The following PRH1 variants were observed in gnomAD, a reference collection of about 807,000 sequenced individuals.
The protein encoded by PRH1 is proline rich protein HaeIII subfamily 1.
A neutral mutation model predicts 7.9 loss-of-function variants in PRH1; 7 were observed. The ratio of observed to expected loss-of-function variants is 0.89; its 90% confidence interval spans 0.50 to 1.67. PRH1 has a LOEUF of 1.67. Ranked by LOEUF, PRH1 falls within the 40% of genes most tolerant of loss-of-function variation. The pLI is 0.00. For synonymous variants in PRH1, 45 were observed against 80.8 expected (o/e 0.56, Z 2.38); for missense variants, 109 against 223.6 (o/e 0.49, Z 3.27).
chr12:10,953,037 T>A (rs1223422001), intron 2 of PRH1, among the ~76,000 whole-genome samples: 2 of 151,062 alleles, frequency 1.3e-5, no homozygotes, highest in African/African-American at 4.9e-5. Flanking sequence ...AGAAATCTTT[T>A]CCCCCCTAAA....
intron 1 of PRH1, among the ~76,000 whole-genome samples, chr12:11,032,391 A>G (rs1240488221): frequency 6.6e-6 from 1 of 152,236 alleles, no homozygotes; most frequent in Non-Finnish European, 1.5e-5. Context: ...TATCAAAGGC[A>G]TCTCAGATTT....
intron 2 of PRH1, chr12:10,909,052 T>C (rs767096080): frequency 1.2e-6 from 2 of 1,613,570 alleles, no homozygotes; most frequent in Non-Finnish European, 1.7e-6. Context: ...ATCATAATTC[T>C]TAATCCTGTT....
At chr12:10,952,083 T>G (rs1186585491) in intron 2 of PRH1, among the ~76,000 whole-genome samples, 1 of 152,180 alleles carries the variant, frequency 6.6e-6, no homozygotes, top group Non-Finnish European at 1.5e-5. Context: ...TTAGTACACA[T>G]TTGTATAACT....
intron 2 of PRH1, chr12:10,939,386 T>C (rs1950354315): frequency 4.0e-6 from 2 of 496,580 alleles, no homozygotes; most frequent in African/African-American, 2.0e-5. Context: ...GCTCTCTTCA[T>C]AAAAATCTCT....
intron 1 of PRH1, among the ~76,000 whole-genome samples, chr12:10,980,171 C>G (rs562346716): frequency 9.0e-4 from 137 of 152,144 alleles, no homozygotes; most frequent in African/African-American, 3.1e-3. Context: ...TTATTTTATA[C>G]CACACACAAA....
chr12:11,073,044 C>T (rs955671300), intron 1 of PRH1, among the ~76,000 whole-genome samples: 2 of 149,222 alleles, frequency 1.3e-5, no homozygotes, highest in Non-Finnish European at 3.0e-5. Flanking sequence ...GAAAGAGATA[C>T]ACCTGATAAT....
intron 2 of PRH1, chr12:10,891,905 C>T (rs893298776): frequency 1.3e-5 from 2 of 152,158 alleles, no homozygotes; most frequent in Non-Finnish European, 2.9e-5. Flanking sequence ...AAGCTTTACA[C>T]TGGAATGTAA....
intron 1 of PRH1, among the ~76,000 whole-genome samples, chr12:10,976,915 A>C (rs1206688991): frequency 6.6e-6 from 1 of 152,142 alleles, no homozygotes; most frequent in African/African-American, 2.4e-5. Flanking sequence ...AAATTGAATC[A>C]GTAATAAGAA....
intron 2 of PRH1, among the ~76,000 whole-genome samples, chr12:10,943,727 A>G (rs1309275367): frequency 6.6e-6 from 1 of 152,054 alleles, no homozygotes; most frequent in African/African-American, 2.4e-5. Flanking sequence ...TCTTTAATCC[A>G]TTTTGACTTG....
chr12:10,885,068 A>C (rs1283721732), upstream of PRH1, among the ~76,000 whole-genome samples: 1 of 152,194 alleles, frequency 6.6e-6, no homozygotes, highest in Non-Finnish European at 1.5e-5. Flanking sequence ...TAAGACCTCC[A>C]CTTTCTCCAG....
intron 1 of PRH1, among the ~76,000 whole-genome samples, chr12:11,086,444 A>C (rs1290737413): frequency 2.0e-5 from 3 of 147,706 alleles, no homozygotes; most frequent in Non-Finnish European, 4.5e-5. Flanking sequence ...TAGATGTTAA[A>C]ATCAGTCTCC....
chr12:10,942,325 G>T (rs1950415093), intron 2 of PRH1, among the ~76,000 whole-genome samples: 1 of 152,128 alleles, frequency 6.6e-6, no homozygotes, highest in Non-Finnish European at 1.5e-5. Flanking sequence ...AGGGTGGGTA[G>T]GGAAGTACCA....
intron 2 of PRH1, among the ~76,000 whole-genome samples, chr12:10,920,088 C>T (rs1236366215): frequency 6.6e-6 from 1 of 151,892 alleles, no homozygotes; most frequent in Non-Finnish European, 1.5e-5. Context: ...GAGACAAGGT[C>T]TCACTGTGTT....
At chr12:10,890,416 T>C (rs1949554636) in intron 2 of PRH1, among the ~76,000 whole-genome samples, 1 of 152,190 alleles carries the variant, frequency 6.6e-6, no homozygotes, top group South Asian at 2.1e-4. Context: ...TGTGTGTGTG[T>C]GTGCACTGTT....
chr12:11,072,982 T>C (rs1944141756), intron 1 of PRH1, among the ~76,000 whole-genome samples: 1 of 151,666 alleles, frequency 6.6e-6, no homozygotes, highest in African/African-American at 2.4e-5. Flanking sequence ...AATGGAAAGG[T>C]CCCTAAATAT....
At chr12:10,919,685 G>A (rs904670978) in intron 2 of PRH1, among the ~76,000 whole-genome samples, 2 of 148,318 alleles carry the variant, frequency 1.3e-5, no homozygotes, top group Admixed American at 6.7e-5. Flanking sequence ...TTTTTTTTTT[G>A]TTGATTTCTA....
intron 1 of PRH1, among the ~76,000 whole-genome samples, chr12:11,040,267 T>C (rs746231351): frequency 6.6e-6 from 1 of 152,228 alleles, no homozygotes; most frequent in Non-Finnish European, 1.5e-5. Context: ...AAAAGTATAA[T>C]TGTTTCTAAG....
chr12:11,038,529 A>G (rs955146801), intron 1 of PRH1, among the ~76,000 whole-genome samples: 9 of 152,208 alleles, frequency 5.9e-5, no homozygotes, highest in African/African-American at 1.7e-4. Flanking sequence ...CATCTTGATA[A>G]TTCTTCTCAT....
intron 1 of PRH1, among the ~76,000 whole-genome samples, chr12:11,107,269 T>C (rs1238747453): frequency 1.3e-5 from 2 of 152,206 alleles, no homozygotes; most frequent in Non-Finnish European, 2.9e-5. Context: ...CCCAAAGTGC[T>C]TGCATACAGG....
Sources: gnomAD v4.1 joint callset for allele counts (sites outside exome capture counted in the v4.1 genomes callset) on GRCh38, gnomAD v4.1.1 for gene constraint, MANE v1.5 for transcripts, NCBI Gene and HGNC (gene_info 2026-07-23, HGNC 2026-07-21) for gene names.